The following SLC45A3 variants were observed in gnomAD, a reference collection of about 807,000 sequenced individuals.
The protein encoded by SLC45A3 is solute carrier family 45 member 3.
Under a neutral mutation model 35.3 loss-of-function variants are expected in SLC45A3, and 17 were observed. The ratio of observed to expected loss-of-function variants is 0.48; its 90% CI spans 0.33 to 0.72. The LOEUF (loss-of-function observed/expected upper bound fraction) is 0.72. SLC45A3 is among the 30% of genes least tolerant of loss of function. The pLI, the probability that SLC45A3 is intolerant of heterozygous loss-of-function variation, is 0.02. For missense variants in SLC45A3, 597 were observed against 731.7 expected (o/e 0.82, Z 2.12); for synonymous variants, 288 against 334.3 (o/e 0.86, Z 1.51).
At chr1:205,665,254 T>G (rs915603410) in intron 1 of SLC45A3, among the ~76,000 whole-genome samples, 1 of 152,166 alleles carries the variant, frequency 6.6e-6, no homozygotes, top group Non-Finnish European at 1.5e-5. Context: ...GGAGACCCTC[T>G]GCCAGGCCTG....
Position 205,659,730 on chromosome 1 carries a change from C to T in SLC45A3, c.1225-59G>A. 6.8e-7 allele frequency: 1 copy of T among 1,461,684 alleles called. No homozygotes were observed. Among genetic ancestry groups the T allele is most frequent in the Non-Finnish European group, 9.1e-7 (1 of 1,095,366 alleles). The allele number at this position is 1,461,684 out of a possible 1,614,324, so 90.5% of individuals were successfully genotyped here. On this transcript the variant is annotated intron_variant, in intron 4 of 4. Coordinates refer to ENST00000367145, the MANE Select transcript of SLC45A3 (RefSeq NM_033102.3). The surrounding 1 kb of genome is among the most constrained non-coding windows in gnomAD (Gnocchi z 5.8). ...ACAGGTGTGTACCCAGCACTGGCAC[C>T]ACCCCAGCTGTGAGAACAGACCCTT...
rs751827612 is a variant in SLC45A3, at chr1:205,662,899, C to T, written c.892G>A (p.Glu298Lys). ...FTLFYTDFVGEGLYQGVPRAE... is the reference protein window; with the variant it reads ...FTLFYTDFVGKGLYQGVPRAE... Reference sequence around the variant, plus strand: ...CTGGGCACGCCCTGGTACAGCCCCTCGCCCACGAAATCCGTGTAAAACAGC... The same window carrying T: ...CTGGGCACGCCCTGGTACAGCCCCTTGCCCACGAAATCCGTGTAAAACAGC... Residue 298 changes from glutamate to lysine, a missense_variant, in exon 3 of 5, where the codon GAG becomes AAG. Transcript: ENST00000367145. This position sits in a 1 kb window ranked among gnomAD's most constrained non-coding sequence, Gnocchi z 6.2. 39 of 1,612,816 alleles carry T rather than the reference C, an allele frequency of 2.4e-5. No individual in the cohort carries two copies. The highest frequency in any genetic ancestry group is 3.2e-5 in the Non-Finnish European group (38 of 1,179,804).
Position 205,659,145 on chromosome 1 carries a change from G to C in SLC45A3, c.*89C>G. ...TACTTTGGCAGCAACAGAAACTGGC[G>C]GCCAGCCCGGCAGCCCCATGGGGCT... is the stretch of plus-strand genomic sequence containing the variant. On this transcript the variant is annotated 3_prime_UTR_variant, in exon 5 of 5. Transcript: ENST00000367145. This position sits in a 1 kb window ranked among gnomAD's most constrained non-coding sequence, Gnocchi z 5.8. The C allele has an allele frequency of 2.2e-6, 3 of 1,365,290 alleles. No individual in the cohort carries two copies. The highest frequency in any genetic ancestry group is 1.4e-5 in the South Asian group (1 of 71,966). 84.6% of individuals were successfully genotyped at this position (1,365,290 alleles called of 1,614,324 possible). A position where few individuals can be genotyped will look rare whatever the true frequency, so the allele number is the denominator to read the frequency against.
rs1398261183 is a variant in SLC45A3 at position 205,662,940 on chromosome 1, G to A, written c.851C>T (p.Ala284Val). Residue 284 changes from alanine to valine, a missense_variant, in exon 3 of 5, where the codon GCA becomes GTA. Around this residue, in one of 3 missense-constraint regions of SLC45A3, gnomAD observed 555 missense variants for 664.9 expected, o/e 0.83. Transcript: ENST00000367145. The surrounding 1 kb of genome is among the most constrained non-coding windows in gnomAD (Gnocchi z 6.2). ...LFVAELCSWM[A>V]LMTFTLFYTD... Reference sequence around the variant, plus strand: ...GTAAAACAGCGTGAAGGTCATGAGTGCCATCCAGCTGCACAGCTCAGCCAC... The same window carrying A: ...GTAAAACAGCGTGAAGGTCATGAGTACCATCCAGCTGCACAGCTCAGCCAC... The A allele has an allele frequency of 1.2e-6, 2 of 1,613,532 alleles. No individual in the cohort carries two copies. Among genetic ancestry groups the A allele is most frequent in the African/African-American group, 1.3e-5 (1 of 74,942 alleles).
chr1:205,662,352 G>C lies in SLC45A3; in HGVS notation c.959-226C>G. ...CGCCCCTTGCTGAAGGCAGAGGAAG[G>C]TAGTCTGAAGGTTTCCTGGGAGTCT... On this transcript the variant is annotated intron_variant, in intron 3 of 4. Coordinates refer to ENST00000367145, the MANE Select transcript of SLC45A3 (RefSeq NM_033102.3). The surrounding 1 kb of genome is among the most constrained non-coding windows in gnomAD (Gnocchi z 6.2). The C allele has an allele frequency of 7.1e-7, 1 of 1,407,682 alleles. No individual in the cohort carries two copies. The highest frequency in any genetic ancestry group is 9.2e-7 in the Non-Finnish European group (1 of 1,085,492). The allele number at this position is 1,407,682 out of a possible 1,614,324, so 87.2% of individuals were successfully genotyped here.
intron 1 of SLC45A3, among the ~76,000 whole-genome samples, chr1:205,675,831 C>T (rs148279034): frequency 7.2e-4 from 110 of 152,294 alleles, no homozygotes; most frequent in Admixed American, 1.6e-3. Flanking sequence ...GAAACCAAGC[C>T]GTCAAGTATC....
chr1:205,658,734 CTT>C lies in SLC45A3; in HGVS notation c.*498_*499del, dbSNP rs894038466. The C allele has an allele frequency of 1.3e-5, 3 of 238,854 alleles. No homozygotes were observed. The Admixed American group carries it at 1.5e-4, about 12-fold the overall frequency. 14.8% of individuals were successfully genotyped at this position (238,854 alleles called of 1,614,324 possible). Reference sequence around the variant, plus strand: ...CTCAGGACTCTTCCCCTACAAATAACTTTCATATGTTCAAATCCCATGGAGGA... The same window carrying C: ...CTCAGGACTCTTCCCCTACAAATAACTCATATGTTCAAATCCCATGGAGGA... On this transcript the variant is annotated 3_prime_UTR_variant, in exon 5 of 5. Coordinates refer to ENST00000367145, the MANE Select transcript of SLC45A3 (RefSeq NM_033102.3).
intron 4 of SLC45A3, among the ~76,000 whole-genome samples, chr1:205,660,298 A>T (rs1206672818): frequency 6.6e-6 from 1 of 151,952 alleles, no homozygotes; most frequent in African/African-American, 2.4e-5. Flanking sequence ...CCCCAGCCCC[A>T]GCTGTGCTAA....
In SLC45A3 at chr1:205,662,265, C is replaced by T; in HGVS notation, c.959-139G>A. On this transcript the variant is annotated intron_variant, in intron 3 of 4. Coordinates refer to ENST00000367145, the MANE Select transcript of SLC45A3 (RefSeq NM_033102.3). This position sits in a 1 kb window ranked among gnomAD's most constrained non-coding sequence, Gnocchi z 6.2. ...CAGCCCTGCTCCCCAGCACCCTTCC[C>T]CTTTCTACCTCTAGCAATGGGAGTC... The T allele has an allele frequency of 7.0e-7, 1 of 1,436,576 alleles. No individual in the cohort carries two copies. Among genetic ancestry groups the T allele is most frequent in the South Asian group, 1.5e-5 (1 of 67,028 alleles). The allele number at this position is 1,436,576 out of a possible 1,614,324, so 89.0% of individuals were successfully genotyped here.
chr1:205,662,868 T>C lies in SLC45A3; in HGVS notation c.923A>G (p.Glu308Gly). The C allele has an allele frequency of 6.2e-7, 1 of 1,606,930 alleles. No homozygotes were observed. Among genetic ancestry groups the C allele is most frequent in the Non-Finnish European group, 8.5e-7 (1 of 1,176,000 alleles). ...EGLYQGVPRA[E>G]PGTEARRHYD... ...GTGTCTCCGGGCCTCGGTGCCCGGC[T>C]CAGCTCTGGGCACGCCCTGGTACAG... Residue 308 changes from glutamate to glycine, a missense_variant, in exon 3 of 5, where the codon GAG becomes GGG. By Grantham distance (98) the Glu-to-Gly change is moderately conservative. This residue lies in a region of SLC45A3 where 555 missense variants were observed against 664.9 expected (regional missense o/e 0.83). Coordinates refer to ENST00000367145, the MANE Select transcript of SLC45A3 (RefSeq NM_033102.3). The surrounding 1 kb of genome is among the most constrained non-coding windows in gnomAD (Gnocchi z 6.2).
In SLC45A3 at chr1:205,674,602, CAAAAAAAAAAAAAAAA is replaced by C. The variant is rs57508315; in HGVS notation, c.-231+5776_-231+5791del. 1.1e-3 allele frequency among the ~76,000 whole-genome samples: 101 copies of C among 95,464 alleles called. 3 individuals are homozygous for C. Among genetic ancestry groups the C allele is most frequent in the African/African-American group, 4.8e-3 (96 of 19,926 alleles). The allele number at this position is 95,464 out of a possible 152,430, so 62.6% of individuals were successfully genotyped here. A position where few individuals can be genotyped will look rare whatever the true frequency, so the allele number is the denominator to read the frequency against. On this transcript the variant is annotated intron_variant, in intron 1 of 4. Transcript: ENST00000367145. ...ATGCCATCCAAAATTGATGCTGTTT[CAAAAAAAAAAAAAAAA>C]AAAAAAAAAAGAGAAAAGCATACAA...
chr1:205,660,034 G>A (rs953782703), intron 4 of SLC45A3, among the ~76,000 whole-genome samples: 1 of 152,152 alleles, frequency 6.6e-6, no homozygotes, highest in African/African-American at 2.4e-5. Context: ...GAGATGCACA[G>A]AACAGAGGAA....
intron 1 of SLC45A3, among the ~76,000 whole-genome samples, chr1:205,675,765 C>T (rs1226201479): frequency 1.3e-5 from 2 of 152,126 alleles, no homozygotes; most frequent in African/African-American, 2.4e-5. Flanking sequence ...GACTGCCTGT[C>T]CCCTCCACCT....
Position 205,663,141 on chromosome 1 carries a change from A to G in SLC45A3, c.650T>C (p.Val217Ala). The G allele has an allele frequency of 6.2e-7, 1 of 1,612,020 alleles. No individual in the cohort carries two copies. Residue 217 changes from valine (V) to alanine (A), a missense_variant, in exon 3 of 5, where the codon GTG (valine) becomes GCG (alanine). Val to Ala is a moderately conservative substitution (Grantham distance 64). Coordinates refer to ENST00000367145, the MANE Select transcript of SLC45A3 (RefSeq NM_033102.3). ...GGGGCCCAGCGCTGCCTCCTCAGCC[A>G]CCAGCAGTGTGGCTGCTACGCAGGT... ...FLTCVAATLL[V>A]AEEAALGPTE...
intron 4 of SLC45A3, among the ~76,000 whole-genome samples, chr1:205,661,142 C>T (rs1276487804): frequency 6.6e-6 from 1 of 152,186 alleles, no homozygotes; most frequent in East Asian, 1.9e-4. Flanking sequence ...GATGACCACA[C>T]TACCTGGGTT....
chr1:205,675,424 A>G (rs1671295192), intron 1 of SLC45A3, among the ~76,000 whole-genome samples: 1 of 152,054 alleles, frequency 6.6e-6, no homozygotes, highest in Non-Finnish European at 1.5e-5. Flanking sequence ...TCAGACAGAA[A>G]CTTTGCCTCT....
chr1:205,670,300 G>C (rs573661757), intron 1 of SLC45A3, among the ~76,000 whole-genome samples: 3 of 152,292 alleles, frequency 2.0e-5, no homozygotes, highest in Non-Finnish European at 4.4e-5. Flanking sequence ...AGACAACCAC[G>C]GCTTTGGTGA....
chr1:205,661,578 T>A (rs758713260), intron 4 of SLC45A3, among the ~76,000 whole-genome samples: 6 of 152,216 alleles, frequency 3.9e-5, no homozygotes, highest in Non-Finnish European at 8.8e-5. Context: ...CTAGGGCTCC[T>A]GCTGGCCTGA....
intron 1 of SLC45A3, among the ~76,000 whole-genome samples, chr1:205,665,195 G>A (rs778307921): frequency 1.3e-5 from 2 of 152,162 alleles, no homozygotes; most frequent in Non-Finnish European, 2.9e-5. Flanking sequence ...GCGGGAGGGA[G>A]CAATCAAACC....
Sources: allele counts gnomAD v4.1 joint callset (sites outside exome capture counted in the v4.1 genomes callset), GRCh38; gene constraint gnomAD v4.1.1; regional missense constraint gnomAD v4.1.1; non-coding constraint Gnocchi (gnomAD v3.1); transcripts MANE v1.5; gene names NCBI Gene and HGNC (gene_info 2026-07-23, HGNC 2026-07-21).